LRRC8A: variants seen among roughly 807,000 people sequenced by gnomAD.
LRRC8A encodes the protein leucine rich repeat containing 8 VRAC subunit A.
In LRRC8A, 24 loss-of-function variants were observed where a neutral mutation model predicts 52.5. The ratio of observed to expected loss-of-function variants is 0.46; its 90% CI spans 0.33 to 0.64. LRRC8A has a LOEUF of 0.64. LRRC8A is among the 30% of genes least tolerant of loss of function. LRRC8A has a pLI of 0.02. For synonymous variants in LRRC8A, 492 were observed against 494.2 expected, an observed-to-expected ratio of 1.00 and a Z score of 0.06; for missense variants, 677 against 1,094.7, an observed-to-expected ratio of 0.62 and a Z score of 5.38.
intron 3 of LRRC8A, among the ~76,000 whole-genome samples, chr9:128,914,965 G>A (rs554728389): frequency 3.3e-5 from 5 of 152,306 alleles, no homozygotes; most frequent in Non-Finnish European, 4.4e-5. Flanking sequence ...CTGTTGAACC[G>A]GGTTCAAATC....
At chr9:128,894,127 C>T (rs1839728797) in intron 2 of LRRC8A, among the ~76,000 whole-genome samples, 1 of 151,970 alleles carries the variant, frequency 6.6e-6, no homozygotes, top group South Asian at 2.1e-4. Context: ...GTAATCCACC[C>T]ACCTCGGCCT....
intron 1 of LRRC8A, 76 bp downstream of exon 1, chr9:128,882,326 G>A (rs1839075967): frequency 5.8e-6 from 1 of 171,252 alleles, no homozygotes; most frequent in Non-Finnish European, 1.2e-5. Context: ...TCGGCCAGCT[G>A]CCCGGCCCGG....
chr9:128,885,198 C>G (rs2130923905), intron 1 of LRRC8A: 1 of 152,538 alleles, frequency 6.6e-6, no homozygotes, highest in East Asian at 1.9e-4. Flanking sequence ...AGATGCTCAC[C>G]AGAGGCTGGT....
At chr9:128,900,088 C>A (rs977936350) in intron 2 of LRRC8A, among the ~76,000 whole-genome samples, 2 of 152,158 alleles carry the variant, frequency 1.3e-5, no homozygotes, top group African/African-American at 4.8e-5. Context: ...GCACTGGGCC[C>A]CTCCCTGTGG....
At chr9:128,886,608 C>T (rs1248370767) in intron 2 of LRRC8A, among the ~76,000 whole-genome samples, 1 of 152,212 alleles carries the variant, frequency 6.6e-6, no homozygotes, top group Non-Finnish European at 1.5e-5. Flanking sequence ...CTCGTGTTTC[C>T]CCACACTTAT....
chr9:128,909,418 C>T (rs760654312), intron 3 of LRRC8A, 97 bp downstream of exon 3: 471 of 1,212,996 alleles, frequency 3.9e-4, no homozygotes, highest in Non-Finnish European at 5.2e-4. Context: ...CTGGGACCGT[C>T]GATGCCCCTG....
chr9:128,888,171 C>A (rs1839471273), intron 2 of LRRC8A, among the ~76,000 whole-genome samples: 1 of 152,058 alleles, frequency 6.6e-6, no homozygotes, highest in African/African-American at 2.4e-5. Context: ...ATAGGAGTTT[C>A]CTGTTGGTTT....
chr9:128,904,121 C>T (rs1165929030), intron 2 of LRRC8A, among the ~76,000 whole-genome samples: 2 of 152,158 alleles, frequency 1.3e-5, no homozygotes, highest in Non-Finnish European at 2.9e-5. Flanking sequence ...CCCTGTTCCT[C>T]TCCTAAGAGA....
intron 3 of LRRC8A, among the ~76,000 whole-genome samples, chr9:128,912,412 G>A (rs983041702): frequency 5.9e-5 from 9 of 151,666 alleles, no homozygotes; most frequent in Admixed American, 1.3e-4. Flanking sequence ...CAGGTGGAGG[G>A]GAAAGGGACA....
chr9:128,884,385 A>C (rs1839305152), intron 1 of LRRC8A, among the ~76,000 whole-genome samples: 2 of 152,056 alleles, frequency 1.3e-5, no homozygotes, highest in African/African-American at 4.8e-5. Flanking sequence ...GTGTCTCTCC[A>C]TGCCTTGACT....
chr9:128,906,275 A>G (rs1270818549), intron 2 of LRRC8A, among the ~76,000 whole-genome samples: 3 of 148,636 alleles, frequency 2.0e-5, no homozygotes, highest in Non-Finnish European at 4.4e-5. Context: ...ATTACAGGCT[A>G]GGATTACAGG....
At chr9:128,882,333 C>T (rs1839077921) in intron 1 of LRRC8A, 83 bp downstream of exon 1, 1 of 175,296 alleles carries the variant, frequency 5.7e-6, no homozygotes, top group East Asian at 1.4e-4. Context: ...GCTGCCCGGC[C>T]CGGGGCGCCC....
At chr9:128,900,757 G>T (rs1839993560) in intron 2 of LRRC8A, among the ~76,000 whole-genome samples, 1 of 152,212 alleles carries the variant, frequency 6.6e-6, no homozygotes, top group Admixed American at 6.5e-5. Context: ...GCTGGGTGCA[G>T]TAGCTCATGC....
intron 3 of LRRC8A, 124 bp downstream of exon 3, chr9:128,909,445 C>G (rs1840406763): frequency 1.1e-6 from 1 of 923,778 alleles, no homozygotes; most frequent in Admixed American, 2.2e-5. Flanking sequence ...GAGTCCTCAC[C>G]TGGGGTTTAC....
At chr9:128,905,878 C>T (rs1410463697) in intron 2 of LRRC8A, among the ~76,000 whole-genome samples, 4 of 152,116 alleles carry the variant, frequency 2.6e-5, no homozygotes, top group African/African-American at 9.7e-5. Flanking sequence ...CAGCTTCTCG[C>T]CATAGTAGTC....
chr9:128,907,496 C>T lies in LRRC8A; in HGVS notation c.332C>T (p.Ala111Val), dbSNP rs754313093. 1 of 1,613,986 alleles carries T rather than the reference C, an allele frequency of 6.2e-7. No homozygotes were observed. Among genetic ancestry groups the T allele is most frequent in the Non-Finnish European group, 8.5e-7 (1 of 1,180,060 alleles). Residue 111 changes from alanine (A) to valine (V), a missense_variant, in exon 3 of 4, where the codon GCT becomes GTT. This residue lies in a region of LRRC8A where 422 missense variants were observed against 741.5 expected (regional missense o/e 0.57). Coordinates refer to ENST00000372600, the MANE Select transcript of LRRC8A (RefSeq NM_019594.4). This position sits in a 1 kb window ranked among gnomAD's most constrained non-coding sequence, Gnocchi z 9.3. ...CGGCACCAGTACAACTACGTGGACG[C>T]TGTGTGCTATGAGAACCGACTGCAC... ...LDRHQYNYVD[A>V]VCYENRLHWF...
chr9:128,906,316 A>ATTTTTTTTTTTTTTTTTTTTTTTTTTTTT (rs71383620), intron 2 of LRRC8A, among the ~76,000 whole-genome samples: 2 of 79,272 alleles, frequency 2.5e-5, no homozygotes, highest in Non-Finnish European at 4.6e-5. Flanking sequence ...CCCATGTGGA[A>ATTTTTTTTTTTTTTTTTTTTTTTTTTTTT]TTTTTTTTTT....
intron 1 of LRRC8A, 199 bp downstream of exon 1, chr9:128,882,449 C>A (rs1422234315): frequency 2.8e-6 from 1 of 351,782 alleles, no homozygotes. Context: ...GCACCACCTT[C>A]TCGCCGGCTC....
chr9:128,912,505 G>GC (rs11424880), intron 3 of LRRC8A, among the ~76,000 whole-genome samples: 6 of 2,448 alleles, frequency 2.5e-3, no homozygotes, highest in East Asian at 0.17. Flanking sequence ...GTGGGGCTAT[G>GC]GGGGGGGGTG....
Sources: gnomAD v4.1 joint callset for allele counts (sites outside exome capture counted in the v4.1 genomes callset) on GRCh38, gnomAD v4.1.1 for gene constraint, gnomAD v4.1.1 regional missense constraint, Gnocchi (gnomAD v3.1) non-coding constraint, MANE v1.5 for transcripts, NCBI Gene and HGNC (gene_info 2026-07-23, HGNC 2026-07-21) for gene names.